Variants in CSMD1 observed in about 807,000 individuals in gnomAD.
CSMD1 encodes CUB and sushi domain-containing protein 1.
Under a neutral mutation model 417.5 loss-of-function variants are expected in CSMD1, and 213 were observed. The ratio of observed to expected loss-of-function variants is 0.51; its 90% confidence interval spans 0.46 to 0.57. The LOEUF is 0.57. CSMD1 is among the 20% of genes least tolerant of loss of function. CSMD1 has a pLI of 0.00. For synonymous variants in CSMD1, 2,862 were observed against 1,736.8 expected (o/e 1.65, Z -16.11); for missense variants, 6,923 against 4,529.7 (o/e 1.53, Z -15.17).
At position 3,658,246 on chromosome 8, in the gene CSMD1, G is replaced by C. The variant is rs545843838; in HGVS notation, c.1010-41449C>G. 1.1e-4 allele frequency among the ~76,000 whole-genome samples: 16 copies of C among 152,106 alleles called. 2 individuals are homozygous for C. The South Asian group carries it at 2.9e-3, about 28-fold the overall frequency. ...AAATAAAAGATAAATACATGGAATA[G>C]GCATGGGAGTGAAATGTATTTTTTT... On this transcript the variant is annotated intron_variant, in intron 7 of 69. Coordinates refer to ENST00000635120, the MANE Select transcript of CSMD1 (RefSeq NM_033225.6).
chr8:3,875,197 C>G (rs60474539), intron 5 of CSMD1, among the ~76,000 whole-genome samples: 11,040 of 152,078 alleles, frequency 0.073, 1,058 homozygotes, highest in African/African-American at 0.22. Flanking sequence ...AGGAGTGGAA[C>G]AGTGAGGCCA....
At chr8:4,079,820 A>G (rs1351623273) in intron 3 of CSMD1, among the ~76,000 whole-genome samples, 2 of 152,176 alleles carry the variant, frequency 1.3e-5, no homozygotes, top group East Asian at 3.9e-4. Flanking sequence ...ACATCACGAG[A>G]GAAAACAGTA....
intron 3 of CSMD1, among the ~76,000 whole-genome samples, chr8:4,039,174 G>C (rs763868497): frequency 9.9e-5 from 15 of 152,160 alleles, no homozygotes; most frequent in Non-Finnish European, 1.9e-4. Context: ...AATTTCATGA[G>C]GTGGATTCAT....
intron 1 of CSMD1, among the ~76,000 whole-genome samples, chr8:4,964,283 G>T (rs1254548170): frequency 2.0e-5 from 3 of 151,832 alleles, no homozygotes; most frequent in Non-Finnish European, 4.4e-5. Flanking sequence ...GGAGGCAAAG[G>T]GGGGCAAATT....
intron 2 of CSMD1, among the ~76,000 whole-genome samples, chr8:4,587,115 A>G (rs1799740174): frequency 6.6e-6 from 1 of 152,134 alleles, no homozygotes; most frequent in African/African-American, 2.4e-5. Context: ...AGGCCAATAG[A>G]TTAGGTGCGC....
chr8:4,102,399 C>A (rs566533109), intron 3 of CSMD1, among the ~76,000 whole-genome samples: 70 of 152,168 alleles, frequency 4.6e-4, no homozygotes, highest in African/African-American at 1.6e-3. Context: ...AAGGTTAACC[C>A]CTCTGGAGAA....
chr8:3,272,531 A>AT (rs1175038157), intron 26 of CSMD1, among the ~76,000 whole-genome samples: 1 of 139,434 alleles, frequency 7.2e-6, no homozygotes, highest in Non-Finnish European at 1.6e-5. Context: ...CAGTATGGCC[A>AT]TTTTCACGAT....
chr8:3,831,246 G>C (rs991683415), intron 5 of CSMD1, among the ~76,000 whole-genome samples: 3 of 152,160 alleles, frequency 2.0e-5, no homozygotes, highest in African/African-American at 7.2e-5. Context: ...AAAGTTTTGA[G>C]AGAATACTGC....
At chr8:4,334,683 T>C (rs1800067794) in intron 3 of CSMD1, among the ~76,000 whole-genome samples, 1 of 152,162 alleles carries the variant, frequency 6.6e-6, no homozygotes, top group African/African-American at 2.4e-5. Context: ...CCTCAAAGCC[T>C]ATACTGCCCA....
chr8:4,810,076 C>A (rs189545205), intron 1 of CSMD1, among the ~76,000 whole-genome samples: 2 of 152,200 alleles, frequency 1.3e-5, no homozygotes, highest in African/African-American at 2.4e-5. Flanking sequence ...AAAGTTAGCT[C>A]ATTTGGTAAC....
chr8:4,155,036 A>G (rs1051217659), intron 3 of CSMD1, among the ~76,000 whole-genome samples: 2 of 152,148 alleles, frequency 1.3e-5, no homozygotes, highest in Non-Finnish European at 2.9e-5. Flanking sequence ...ACAGAACCTA[A>G]CACTGCTGCA....
At chr8:4,982,784 T>C (rs1810967939) in intron 1 of CSMD1, among the ~76,000 whole-genome samples, 1 of 152,206 alleles carries the variant, frequency 6.6e-6, no homozygotes, top group Non-Finnish European at 1.5e-5. Context: ...ATACTTTTTA[T>C]ACTTTCAGTT....
chr8:3,831,588 A>G (rs954403674), intron 5 of CSMD1, among the ~76,000 whole-genome samples: 1 of 152,152 alleles, frequency 6.6e-6, no homozygotes, highest in African/African-American at 2.4e-5. Flanking sequence ...GAATATCCCA[A>G]ATGTCCTCTC....
chr8:4,576,301 TCTC>T (rs1244936621), intron 2 of CSMD1, among the ~76,000 whole-genome samples: 2 of 152,146 alleles, frequency 1.3e-5, no homozygotes, highest in Non-Finnish European at 2.9e-5. Flanking sequence ...TTGCCTGGGT[TCTC>T]CTCTCATTCT....
intron 2 of CSMD1, among the ~76,000 whole-genome samples, chr8:4,613,031 G>A (rs976255875): frequency 1.3e-5 from 2 of 152,092 alleles, no homozygotes; most frequent in African/African-American, 2.4e-5. Context: ...AGTGTAAGGG[G>A]GCTAGAGGAA....
At chr8:4,534,238 G>A (rs1230726944) in intron 2 of CSMD1, among the ~76,000 whole-genome samples, 2 of 152,134 alleles carry the variant, frequency 1.3e-5, no homozygotes, top group African/African-American at 4.8e-5. Flanking sequence ...CCTTCTGCGT[G>A]GGCCTGGCCC....
intron 20 of CSMD1, among the ~76,000 whole-genome samples, chr8:3,364,837 G>C (rs867796056): frequency 6.6e-6 from 1 of 152,190 alleles, no homozygotes; most frequent in Non-Finnish European, 1.5e-5. Flanking sequence ...CTAGTCTCAG[G>C]TATGCTGTTA....
At chr8:4,931,579 A>AAT (rs71535910) in intron 1 of CSMD1, among the ~76,000 whole-genome samples, 4 of 152,002 alleles carry the variant, frequency 2.6e-5, no homozygotes, top group Non-Finnish European at 5.9e-5. Context: ...TCAAGAAAAA[A>AAT]GTCTGGTTTA....
chr8:3,707,282 C>G (rs1181157663), intron 7 of CSMD1, among the ~76,000 whole-genome samples: 1 of 148,608 alleles, frequency 6.7e-6, no homozygotes, highest in African/African-American at 2.5e-5. Flanking sequence ...ATGCAGAAGT[C>G]TGCTCTAGCA....
Sources: allele counts gnomAD v4.1 joint callset (sites outside exome capture counted in the v4.1 genomes callset), GRCh38; gene constraint gnomAD v4.1.1; transcripts MANE v1.5; gene names NCBI Gene and HGNC (gene_info 2026-07-23, HGNC 2026-07-21).